The following TENM4 variants were observed in gnomAD, a reference collection of about 807,000 sequenced individuals.
TENM4 encodes the protein teneurin transmembrane protein 4.
A neutral mutation model predicts 243.3 loss-of-function variants in TENM4; 82 were observed. The observed-to-expected ratio is 0.34, with a 90% confidence interval of 0.28 to 0.40. The LOEUF (loss-of-function observed/expected upper bound fraction) is 0.40, where lower values mean the gene tolerates loss of function less well. Ranked by LOEUF, TENM4 falls within the 10% of genes least tolerant of loss-of-function variation. The pLI is 1.00. For synonymous variants in TENM4, 1,412 were observed against 1,456.3 expected, an observed-to-expected ratio of 0.97 and a Z score of 0.69; for missense variants, 3,138 against 3,673.3, an observed-to-expected ratio of 0.85 and a Z score of 3.77.
chr11:78,913,236 T>C (rs974244999), intron 6 of TENM4, among the ~76,000 whole-genome samples: 4 of 152,168 alleles, frequency 2.6e-5, no homozygotes, highest in African/African-American at 9.7e-5. Context: ...CTTCTCTGCT[T>C]TCATTTCTTT....
intron 6 of TENM4, among the ~76,000 whole-genome samples, chr11:79,003,049 G>A (rs1475332802): frequency 1.3e-5 from 2 of 152,152 alleles, no homozygotes; most frequent in Non-Finnish European, 2.9e-5. Context: ...TAACCAAGCT[G>A]AGAAAACAGA....
intron 3 of TENM4, among the ~76,000 whole-genome samples, chr11:79,157,391 T>C (rs10793371): frequency 0.81 from 122,994 of 151,988 alleles, 50,416 homozygotes; most frequent in Middle Eastern, 0.89. Flanking sequence ...CTTTTCCTTC[T>C]CTTCTGTTGC....
intron 15 of TENM4, among the ~76,000 whole-genome samples, chr11:78,802,008 T>TG (rs1331844902): frequency 6.6e-6 from 1 of 152,170 alleles, no homozygotes; most frequent in African/African-American, 2.4e-5. Flanking sequence ...GGTTAGAGGG[T>TG]TAAGCCACAT....
At chr11:78,999,322 G>T (rs1174279294) in intron 6 of TENM4, among the ~76,000 whole-genome samples, 1 of 152,098 alleles carries the variant, frequency 6.6e-6, no homozygotes, top group African/African-American at 2.4e-5. Context: ...GACCATCCTG[G>T]CTAACATGGT....
intron 19 of TENM4, among the ~76,000 whole-genome samples, chr11:78,753,058 G>C (rs186556370): frequency 1.3e-4 from 20 of 152,282 alleles, no homozygotes; most frequent in Admixed American, 2.6e-4. Flanking sequence ...GCAAGTTGGA[G>C]CTCATATAAG....
At chr11:78,864,730 G>C (rs1001701779) in intron 9 of TENM4, among the ~76,000 whole-genome samples, 1 of 152,192 alleles carries the variant, frequency 6.6e-6, no homozygotes, top group Non-Finnish European at 1.5e-5. Context: ...AAGCGCTCAA[G>C]TCCCTGGACC....
rs10538527 is a variant in TENM4 at position 79,244,439 on chromosome 11, A to ATG, written c.-264-28532_-264-28531dup. ...AGGAGGGACAGGGCTGTATGTGTCT[A>ATG]TGTGTGTGTGTGTGTGTGTGTCTGT... On this transcript the variant is annotated intron_variant, in intron 2 of 33. Transcript: ENST00000278550. 1.5e-3 allele frequency among the ~76,000 whole-genome samples: 230 copies of ATG among 149,782 alleles called. 2 individuals are homozygous for ATG. The highest frequency in any genetic ancestry group is 9.3e-3 in the South Asian group (44 of 4,734).
chr11:79,370,315 T>G (rs1356092142), intron 1 of TENM4, among the ~76,000 whole-genome samples: 1 of 152,152 alleles, frequency 6.6e-6, no homozygotes, highest in African/African-American at 2.4e-5. Context: ...TCTTCCAACT[T>G]CACAGGTGCC....
intron 1 of TENM4, among the ~76,000 whole-genome samples, chr11:79,380,648 C>A (rs780410133): frequency 6.6e-6 from 1 of 152,182 alleles, no homozygotes; most frequent in Non-Finnish European, 1.5e-5. Flanking sequence ...ACACTGTGAA[C>A]CTCCAAGAAG....
Position 79,066,196 on chromosome 11 carries a change from G to A in TENM4, c.224-1189C>T, listed in dbSNP as rs866385114. ...TTCAAAATGGGGAGATCCACAGAGT[G>A]CTCTGGGAGCGCAGGAGCAGAAGGT... On this transcript the variant is annotated intron_variant, in intron 5 of 33. Coordinates refer to ENST00000278550, the MANE Select transcript of TENM4 (RefSeq NM_001098816.3). Among the ~76,000 whole-genome samples the A allele has an allele frequency of 1.6e-4, 25 of 152,328 alleles. No homozygotes were observed. The Middle Eastern group carries it at 0.01, about 62-fold the overall frequency.
intron 2 of TENM4, among the ~76,000 whole-genome samples, chr11:79,288,619 T>C (rs1214161974): frequency 6.6e-6 from 1 of 152,334 alleles, no homozygotes; most frequent in East Asian, 1.9e-4. Flanking sequence ...AATCCCAGCT[T>C]ATCTTCAGAT....
At chr11:78,674,760 A>G (rs575255134) in intron 30 of TENM4, among the ~76,000 whole-genome samples, 18 of 152,266 alleles carry the variant, frequency 1.2e-4, no homozygotes, top group Non-Finnish European at 2.4e-4. Flanking sequence ...GATAGTCACT[A>G]GAGCTCTTGG....
intron 4 of TENM4, among the ~76,000 whole-genome samples, chr11:79,080,601 C>T (rs1169910143): frequency 6.6e-6 from 1 of 152,222 alleles, no homozygotes; most frequent in East Asian, 1.9e-4. Flanking sequence ...CCCCTTTCTC[C>T]TGTATCTGAC....
At chr11:79,169,708 G>A (rs1222033519) in intron 3 of TENM4, among the ~76,000 whole-genome samples, 1 of 152,104 alleles carries the variant, frequency 6.6e-6, no homozygotes, top group Non-Finnish European at 1.5e-5. Context: ...CAGAGACTAG[G>A]GCAAAGACAA....
At chr11:78,707,060 T>C (rs1859273079) in intron 27 of TENM4, among the ~76,000 whole-genome samples, 1 of 152,146 alleles carries the variant, frequency 6.6e-6, no homozygotes, top group African/African-American at 2.4e-5. Context: ...GTGGAAGGAC[T>C]TAGCGATACA....
intron 6 of TENM4, among the ~76,000 whole-genome samples, chr11:78,976,331 C>T (rs1178694734): frequency 6.6e-6 from 1 of 151,890 alleles, no homozygotes; most frequent in Admixed American, 6.6e-5. Context: ...GGAAGAAAAC[C>T]CAAAGCATAT....
chr11:78,977,309 G>A (rs1857684293), intron 6 of TENM4, among the ~76,000 whole-genome samples: 1 of 152,190 alleles, frequency 6.6e-6, no homozygotes. Flanking sequence ...TTCACATATG[G>A]TCACTGTCTG....
Position 78,820,612 on chromosome 11 carries a change from T to C in TENM4, c.1682-6217A>G, listed in dbSNP as rs191495490. Among the ~76,000 whole-genome samples the C allele has an allele frequency of 4.1e-4, 63 of 152,316 alleles. 1 individual carries two copies. The South Asian group carries it at 4.1e-3, about 10-fold the overall frequency. On this transcript the variant is annotated intron_variant, in intron 12 of 33. Coordinates refer to ENST00000278550, the MANE Select transcript of TENM4 (RefSeq NM_001098816.3). Reference sequence around the variant, plus strand: ...AAGGAAGGGTCACACATGTCTTCCATTTATGAATTAAAAAACAATCTGACT... The same window carrying C: ...AAGGAAGGGTCACACATGTCTTCCACTTATGAATTAAAAAACAATCTGACT...
At chr11:78,780,273 T>C (rs10899570) in intron 16 of TENM4, among the ~76,000 whole-genome samples, 25,055 of 152,222 alleles carry the variant, frequency 0.16, 2,245 homozygotes, top group East Asian at 0.4. Flanking sequence ...TCTGTCACTT[T>C]AGTCTTAGTC....
Sources: gnomAD v4.1 joint callset for allele counts (sites outside exome capture counted in the v4.1 genomes callset) on GRCh38, gnomAD v4.1.1 for gene constraint, MANE v1.5 for transcripts, NCBI Gene and HGNC (gene_info 2026-07-23, HGNC 2026-07-21) for gene names.